Variants in MBP observed in about 807,000 individuals in gnomAD.
MBP encodes the protein Golli-MBP.
Under a neutral mutation model 35.8 loss-of-function variants are expected in MBP, and 16 were observed. That is an observed-to-expected ratio of 0.45 (90% CI 0.30 to 0.68). The LOEUF is 0.68. Ranked by LOEUF, MBP falls within the 30% of genes least tolerant of loss-of-function variation. MBP has a pLI of 0.08. For synonymous variants in MBP, 143 were observed against 159.6 expected (o/e 0.90, Z 0.78); for missense variants, 380 against 404.7 (o/e 0.94, Z 0.52).
At chr18:77,068,016 C>CGTGTGT (rs56090018) in intron 2 of MBP, among the ~76,000 whole-genome samples, 29 of 149,712 alleles carry the variant, frequency 1.9e-4, no homozygotes, top group East Asian at 9.9e-4. Flanking sequence ...CCCTCCATCC[C>CGTGTGT]GTGTGTGTGT....
At chr18:77,093,617 T>C (rs1004783073) in intron 2 of MBP, among the ~76,000 whole-genome samples, 1 of 152,228 alleles carries the variant, frequency 6.6e-6, no homozygotes, top group Admixed American at 6.5e-5. Flanking sequence ...GAGACTTCCT[T>C]CGTGAATCTC....
intron 7 of MBP, chr18:76,985,891 C>T (rs773154687): frequency 1.0e-5 from 10 of 986,888 alleles, no homozygotes; most frequent in Non-Finnish European, 1.2e-5. Context: ...GCCCTGGCCT[C>T]ATCAGCCCCA....
intron 3 of MBP, among the ~76,000 whole-genome samples, chr18:77,040,239 C>T (rs1972937223): frequency 6.6e-6 from 1 of 152,122 alleles, no homozygotes; most frequent in Non-Finnish European, 1.5e-5. Context: ...GGTCCATCCT[C>T]TTCAAGGAGA....
intron 3 of MBP, among the ~76,000 whole-genome samples, chr18:77,052,569 C>G (rs780593305): frequency 1.3e-5 from 2 of 152,182 alleles, no homozygotes; most frequent in African/African-American, 2.4e-5. Context: ...TATTTGAAGG[C>G]CAGGATCGCT....
intron 3 of MBP, among the ~76,000 whole-genome samples, chr18:77,043,934 C>T (rs2144644310): frequency 6.6e-6 from 1 of 152,182 alleles, no homozygotes; most frequent in East Asian, 1.9e-4. Flanking sequence ...CCCAGCCATT[C>T]TACCTGACCC....
chr18:77,110,476 T>C (rs940484428), intron 1 of MBP: 2 of 150,924 alleles, frequency 1.3e-5, no homozygotes, highest in Non-Finnish European at 3.0e-5. Flanking sequence ...TTTTTTTTTT[T>C]CAGAATAGAG....
chr18:77,105,948 G>T (rs968723295), intron 1 of MBP, among the ~76,000 whole-genome samples: 15 of 152,320 alleles, frequency 9.8e-5, no homozygotes, highest in African/African-American at 3.6e-4. Context: ...AAGAACGGAA[G>T]AATTGAGCCA....
At chr18:77,042,764 A>C (rs1973070551) in intron 3 of MBP, among the ~76,000 whole-genome samples, 1 of 152,104 alleles carries the variant, frequency 6.6e-6, no homozygotes, top group Non-Finnish European at 1.5e-5. Flanking sequence ...GGCATCCAAC[A>C]CCCAGCAAGC....
chr18:77,118,590 CCACACACACACTCCACAGACACCACA>C (rs1976773784), intron 1 of MBP, among the ~76,000 whole-genome samples: 1 of 148,186 alleles, frequency 6.7e-6, no homozygotes, highest in Non-Finnish European at 1.5e-5. Flanking sequence ...CCCGCCCCAC[CCACACACACACTCCACAGACACCACA>C]CACACACACA....
At chr18:77,013,978 TG>T (rs932334371) in intron 4 of MBP, 1 of 985,300 alleles carries the variant, frequency 1.0e-6, no homozygotes, top group African/African-American at 1.7e-5. Flanking sequence ...AGAGAGAAGC[TG>T]CCGGGCCAAG....
rs183068378 is a variant in MBP, at chr18:76,990,941, G to A, written c.577-881C>T. The A allele has an allele frequency of 5.3e-4, 150 of 282,578 alleles. 1 individual carries two copies. The highest frequency in any genetic ancestry group is 3.3e-3 in the African/African-American group (143 of 43,598). The allele number at this position is 282,578 out of a possible 1,614,324, so 17.5% of individuals were successfully genotyped here. A position where few individuals can be genotyped will look rare whatever the true frequency, so the allele number is the denominator to read the frequency against. ...TGAAGGTGAACAAGCAAATAGAGGG[G>A]AAGTGACGGTAATTCAAGGGGGATT... On this transcript the variant is annotated intron_variant, in intron 4 of 8. Coordinates refer to ENST00000355994, the MANE Select transcript of MBP (RefSeq NM_001025101.2).
chr18:77,064,957 C>T (rs1291208410), intron 3 of MBP, among the ~76,000 whole-genome samples: 1 of 152,154 alleles, frequency 6.6e-6, no homozygotes, highest in African/African-American at 2.4e-5. Context: ...GAGCTGTGCA[C>T]AGCAGAATAG....
intron 3 of MBP, among the ~76,000 whole-genome samples, chr18:77,034,512 A>G (rs138199640): frequency 3.3e-4 from 50 of 152,190 alleles, no homozygotes; most frequent in Non-Finnish European, 2.9e-5. Flanking sequence ...GAGCTCATAA[A>G]CCTGTTTCAA....
intron 7 of MBP, chr18:76,985,221 T>C (rs1182405640): frequency 6.4e-6 from 9 of 1,398,436 alleles, no homozygotes; most frequent in Non-Finnish European, 8.5e-6. Context: ...CTGTGGGGTG[T>C]TCAAGAGAAG....
intron 1 of MBP, among the ~76,000 whole-genome samples, chr18:77,126,437 T>C (rs1428746095): frequency 2.6e-5 from 4 of 152,192 alleles, no homozygotes; most frequent in Non-Finnish European, 5.9e-5. Context: ...TATAGCTACA[T>C]CATAATTGGT....
At chr18:77,122,228 G>A (rs1486841606) in intron 1 of MBP, among the ~76,000 whole-genome samples, 1 of 152,156 alleles carries the variant, frequency 6.6e-6, no homozygotes, top group Non-Finnish European at 1.5e-5. Context: ...CAGAACAGAC[G>A]TTTGCAATGT....
intron 1 of MBP, among the ~76,000 whole-genome samples, chr18:77,118,422 G>A (rs970067240): frequency 1.3e-5 from 2 of 151,938 alleles, no homozygotes; most frequent in Admixed American, 1.3e-4. Context: ...TAGCACAGTC[G>A]GCCATGATCC....
chr18:77,057,926 A>C (rs1973803284), intron 3 of MBP, among the ~76,000 whole-genome samples: 1 of 17,616 alleles, frequency 5.7e-5, no homozygotes, highest in Non-Finnish European at 8.7e-5. Flanking sequence ...TCCCGGGTTC[A>C]CGCCATTCTC....
At chr18:76,992,019 G>T (rs1418591945) in intron 4 of MBP, among the ~76,000 whole-genome samples, 1 of 152,214 alleles carries the variant, frequency 6.6e-6, no homozygotes, top group African/African-American at 2.4e-5. Context: ...GTTTCGCCCA[G>T]CACCGACATT....
Sources: gnomAD v4.1 joint callset for allele counts (sites outside exome capture counted in the v4.1 genomes callset) on GRCh38, gnomAD v4.1.1 for gene constraint, MANE v1.5 for transcripts, NCBI Gene and HGNC (gene_info 2026-07-23, HGNC 2026-07-21) for gene names.